GRID1: variants seen among roughly 807,000 people sequenced by gnomAD.
The protein encoded by GRID1 is glutamate receptor ionotropic, delta-1.
In GRID1, 28 loss-of-function variants were observed where a neutral mutation model predicts 98.0. The observed-to-expected ratio is 0.29, with a 90% confidence interval of 0.21 to 0.39. The LOEUF is 0.39. Ranked by LOEUF, GRID1 falls within the 10% of genes least tolerant of loss-of-function variation. GRID1 has a pLI of 1.00. For missense variants in GRID1, 1,111 were observed against 1,340.5 expected (o/e 0.83, Z 2.67); for synonymous variants, 553 against 538.5 (o/e 1.03, Z -0.37).
intron 8 of GRID1, among the ~76,000 whole-genome samples, chr10:85,785,095 G>A (rs945916246): frequency 6.6e-6 from 1 of 152,216 alleles, no homozygotes; most frequent in African/African-American, 2.4e-5. Flanking sequence ...GGCCTGGCCT[G>A]ACTGAGAGGC....
chr10:85,966,894 A>G (rs1028597853), intron 4 of GRID1, among the ~76,000 whole-genome samples: 3 of 152,202 alleles, frequency 2.0e-5, no homozygotes, highest in Admixed American at 1.3e-4. Context: ...ACTTAAATGG[A>G]TACTGACATG....
At chr10:85,619,369 CT>C (rs1842830905) in intron 14 of GRID1, among the ~76,000 whole-genome samples, 4 of 152,364 alleles carry the variant, frequency 2.6e-5, no homozygotes, top group Non-Finnish European at 5.9e-5. Flanking sequence ...TTCTCTGACT[CT>C]ACTTTTTTAA....
intron 13 of GRID1, among the ~76,000 whole-genome samples, chr10:85,638,214 T>C (rs534514774): frequency 1.3e-5 from 2 of 152,300 alleles, no homozygotes; most frequent in South Asian, 2.1e-4. Flanking sequence ...GTTGGTATTT[T>C]TGAACAGAAA....
chr10:85,751,358 T>C (rs1036195582), intron 8 of GRID1, among the ~76,000 whole-genome samples: 1 of 152,182 alleles, frequency 6.6e-6, no homozygotes, highest in Non-Finnish European at 1.5e-5. Context: ...AAGAAGAGTT[T>C]GAGAAGGGTT....
intron 5 of GRID1, among the ~76,000 whole-genome samples, chr10:85,902,083 C>T (rs1309596002): frequency 6.6e-6 from 1 of 152,182 alleles, no homozygotes; most frequent in Non-Finnish European, 1.5e-5. Flanking sequence ...AAATAAGGCA[C>T]TAATGTGCAA....
chr10:85,607,886 C>T (rs1001114602), intron 15 of GRID1, among the ~76,000 whole-genome samples: 1 of 150,134 alleles, frequency 6.7e-6, no homozygotes, highest in African/African-American at 2.5e-5. Context: ...GGCCCAATCT[C>T]GGCTCACTGC....
At chr10:86,188,782 A>G (rs1449247210) in intron 3 of GRID1, among the ~76,000 whole-genome samples, 1 of 152,174 alleles carries the variant, frequency 6.6e-6, no homozygotes, top group African/African-American at 2.4e-5. Context: ...CATTTAATCC[A>G]CTATCTAAGC....
Position 86,364,071 on chromosome 10 carries a change from G to C in GRID1, c.105C>G (p.Ala35=). 1 of 1,614,006 alleles carries C rather than the reference G, an allele frequency of 6.2e-7. No individual in the cohort carries two copies. The highest frequency in any genetic ancestry group is 8.5e-7 in the Non-Finnish European group (1 of 1,179,882). The change falls in exon 2 of 16, where the codon GCC becomes GCG. Residue 35 remains alanine (A), a synonymous_variant. Transcript: ENST00000327946. ...HIGAIFEENA[A]KDDRVFQLAV... ...CCAACTGGAACACCCTGTCGTCCTT[G>C]GCCGCGTTCTCCTCGAAGATGGCAC...
rs771133372 is a variant in GRID1 at position 85,647,284 on chromosome 10, G to A, written c.2111C>T (p.Thr704Met). 15 of 1,614,102 alleles carry A rather than the reference G, an allele frequency of 9.3e-6. No homozygotes were observed. Among genetic ancestry groups the A allele is most frequent in the South Asian group, 1.1e-5 (1 of 91,092 alleles). The change falls in exon 13 of 16, where the codon ACG becomes ATG. Residue 704 changes from threonine to methionine, a missense_variant. Physicochemically the swap from Thr to Met is moderately conservative, Grantham distance 81 (BLOSUM62 -1). Coordinates refer to ENST00000327946, the MANE Select transcript of GRID1 (RefSeq NM_017551.3). ...GATGGTCCGCCAGAGTTCAGCAAAC[G>A]TGCTGTCCTGCTCCAGGGGGTTGGT... ...KGTNPLEQDS[T>M]FAELWRTISK...
intron 3 of GRID1, among the ~76,000 whole-genome samples, chr10:86,191,395 G>A (rs1845800791): frequency 6.6e-6 from 1 of 152,146 alleles, no homozygotes; most frequent in Non-Finnish European, 1.5e-5. Flanking sequence ...ATGGTGGGGT[G>A]TGACTGGGAC....
At chr10:85,625,306 A>G (rs2132528293) in intron 13 of GRID1, among the ~76,000 whole-genome samples, 1 of 152,344 alleles carries the variant, frequency 6.6e-6, no homozygotes, top group South Asian at 2.1e-4. Context: ...GCCCATCAAC[A>G]GGACACAAAG....
chr10:86,173,471 C>A (rs952155256), intron 3 of GRID1, among the ~76,000 whole-genome samples: 2 of 152,108 alleles, frequency 1.3e-5, no homozygotes, highest in Non-Finnish European at 2.9e-5. Flanking sequence ...ATAATTTTTT[C>A]AAATCAGAAT....
At chr10:85,773,776 A>C (rs1190478761) in intron 8 of GRID1, among the ~76,000 whole-genome samples, 3 of 152,252 alleles carry the variant, frequency 2.0e-5, no homozygotes, top group Admixed American at 2.0e-4. Flanking sequence ...AGGAACGTGA[A>C]GGACCTCTTC....
At chr10:85,932,374 G>T (rs1380831123) in intron 4 of GRID1, among the ~76,000 whole-genome samples, 1 of 152,098 alleles carries the variant, frequency 6.6e-6, no homozygotes, top group Non-Finnish European at 1.5e-5. Flanking sequence ...ACAAAGCCTG[G>T]TTAATTTTCT....
intron 2 of GRID1, among the ~76,000 whole-genome samples, chr10:86,323,937 G>A (rs1307175476): frequency 6.6e-6 from 1 of 152,154 alleles, no homozygotes; most frequent in Admixed American, 6.5e-5. Context: ...CCAGCACTTC[G>A]GGAGGCCAAG....
chr10:86,048,809 G>A (rs1265422650), intron 4 of GRID1, among the ~76,000 whole-genome samples: 1 of 152,206 alleles, frequency 6.6e-6, no homozygotes, highest in East Asian at 1.9e-4. Flanking sequence ...TAACATTATG[G>A]GACACTGGAG....
At chr10:86,159,064 T>G (rs1845285048) in intron 3 of GRID1, among the ~76,000 whole-genome samples, 1 of 152,094 alleles carries the variant, frequency 6.6e-6, no homozygotes, top group African/African-American at 2.4e-5. Flanking sequence ...CGGCTAATTT[T>G]TTTGTATTTT....
intron 9 of GRID1, 32 bp from the exon 10 acceptor site, chr10:85,728,084 A>G (rs752377018): frequency 2.2e-6 from 3 of 1,388,480 alleles, no homozygotes; most frequent in Non-Finnish European, 2.1e-6. Flanking sequence ...TTCTCCAATT[A>G]AATAACAGGT....
At chr10:85,839,324 A>G (rs1842941165) in intron 8 of GRID1, among the ~76,000 whole-genome samples, 1 of 152,160 alleles carries the variant, frequency 6.6e-6, no homozygotes, top group African/African-American at 2.4e-5. Context: ...CTACCCAAAA[A>G]CAACAGAATA....
Sources: allele counts gnomAD v4.1 joint callset (sites outside exome capture counted in the v4.1 genomes callset), GRCh38; gene constraint gnomAD v4.1.1; transcripts MANE v1.5; gene names NCBI Gene and HGNC (gene_info 2026-07-23, HGNC 2026-07-21).